The following SCOC variants were observed in gnomAD, a reference collection of about 807,000 sequenced individuals.
SCOC encodes short coiled-coil protein.
A neutral mutation model predicts 9.9 loss-of-function variants in SCOC; 7 were observed. The observed-to-expected ratio is 0.71, with a 90% confidence interval of 0.40 to 1.33. The LOEUF (loss-of-function observed/expected upper bound fraction) is 1.33. Ranked by LOEUF, SCOC falls within the 40% of genes most tolerant of loss-of-function variation. SCOC has a pLI of 0.01. For synonymous variants in SCOC, 19 were observed against 28.2 expected (o/e 0.67, Z 1.03); for missense variants, 66 against 89.7 (o/e 0.74, Z 1.07).
chr4:140,281,890 G>T (rs1212347495), intron 1 of SCOC, among the ~76,000 whole-genome samples: 1 of 152,170 alleles, frequency 6.6e-6, no homozygotes, highest in South Asian at 2.1e-4. Flanking sequence ...GTTTGTGGGG[G>T]AAAATGCATT....
intron 1 of SCOC, among the ~76,000 whole-genome samples, chr4:140,317,025 A>G (rs574406335): frequency 6.6e-6 from 1 of 151,870 alleles, no homozygotes; most frequent in Non-Finnish European, 1.5e-5. Context: ...GTCTATGGAG[A>G]CTCGTTGTTT....
At chr4:140,309,654 A>G (rs1732093901) in intron 1 of SCOC, among the ~76,000 whole-genome samples, 1 of 152,248 alleles carries the variant, frequency 6.6e-6, no homozygotes, top group Non-Finnish European at 1.5e-5. Flanking sequence ...CTTAAAGCCT[A>G]TTACCTCATG....
chr4:140,331,587 T>C (rs1354017625), intron 1 of SCOC, among the ~76,000 whole-genome samples: 1 of 152,200 alleles, frequency 6.6e-6, no homozygotes, highest in Admixed American at 6.5e-5. Context: ...CCATTTGGCT[T>C]CTAGAACATG....
chr4:140,284,166 T>C (rs1161609535), intron 1 of SCOC: 1 of 152,054 alleles, frequency 6.6e-6, no homozygotes, highest in Non-Finnish European at 1.5e-5. Context: ...TTTTCCTAAA[T>C]GTCAACTTGA....
At chr4:140,269,720 C>T (rs762879511) in intron 1 of SCOC, among the ~76,000 whole-genome samples, 1 of 152,184 alleles carries the variant, frequency 6.6e-6, no homozygotes, top group Non-Finnish European at 1.5e-5. Flanking sequence ...ATATTCCTAA[C>T]TAGACAAGTT....
rs1335134347 is a variant in SCOC, at chr4:140,382,907, T to C, written c.*1803T>C. On this transcript the variant is annotated 3_prime_UTR_variant, in exon 4 of 4. Coordinates refer to ENST00000608372, the MANE Select transcript of SCOC (RefSeq NM_001153484.2). ...CCAACCAGTGGTTCCAAGGTCAGCA[T>C]TGCAGGCTAGCAGCCCTTGTTCAAA... 3 of 152,232 alleles carry C rather than the reference T, an allele frequency of 2.0e-5. No individual in the cohort carries two copies. The highest frequency in any genetic ancestry group is 4.4e-5 in the Non-Finnish European group (3 of 68,040). 9.4% of individuals were successfully genotyped at this position (152,232 alleles called of 1,614,324 possible).
At chr4:140,320,963 C>T (rs1732484172) in intron 1 of SCOC, among the ~76,000 whole-genome samples, 2 of 152,144 alleles carry the variant, frequency 1.3e-5, no homozygotes, top group Admixed American at 1.3e-4. Context: ...GCCCCTCTCC[C>T]TCTCTCTGCC....
At chr4:140,273,832 C>G (rs1483355703) in intron 1 of SCOC, among the ~76,000 whole-genome samples, 1 of 152,138 alleles carries the variant, frequency 6.6e-6, no homozygotes, top group Non-Finnish European at 1.5e-5. Context: ...ATAATGTCTT[C>G]CAATTCTGCC....
At chr4:140,348,563 T>C (rs552949102) in intron 2 of SCOC, among the ~76,000 whole-genome samples, 2 of 100,166 alleles carry the variant, frequency 2.0e-5, no homozygotes, top group African/African-American at 7.0e-5. Context: ...TGTGTATATA[T>C]ATGTATATAT....
At chr4:140,373,358 C>A, upstream of SCOC, 1 of 1,438,154 alleles carries the variant, frequency 7.0e-7, no homozygotes, top group Non-Finnish European at 9.1e-7. Context: ...TCCTGATAGA[C>A]CTGATGAGCC....
intron 2 of SCOC, among the ~76,000 whole-genome samples, chr4:140,365,727 C>A (rs2126567130): frequency 6.6e-6 from 1 of 152,284 alleles, no homozygotes; most frequent in African/African-American, 2.4e-5. Context: ...TTCATGATGA[C>A]CCACTTCCAC....
chr4:140,293,638 T>C (rs554997171), intron 1 of SCOC, among the ~76,000 whole-genome samples: 1 of 152,314 alleles, frequency 6.6e-6, no homozygotes, highest in East Asian at 1.9e-4. Flanking sequence ...CAGGCAGGAA[T>C]GGATAGGTCC....
chr4:140,299,616 A>T (rs1397991787), intron 1 of SCOC, among the ~76,000 whole-genome samples: 19 of 152,208 alleles, frequency 1.2e-4, no homozygotes, highest in Admixed American at 1.2e-3. Context: ...ACTGGATACA[A>T]ACGAATTCTA....
chr4:140,378,193 C>T (rs1430989595), intron 1 of SCOC, among the ~76,000 whole-genome samples: 1 of 151,746 alleles, frequency 6.6e-6, no homozygotes, highest in African/African-American at 2.4e-5. Context: ...TCATTTATTC[C>T]ATATTAATAT....
At chr4:140,290,711 G>A (rs1211628824) in intron 1 of SCOC, among the ~76,000 whole-genome samples, 1 of 152,142 alleles carries the variant, frequency 6.6e-6, no homozygotes, top group African/African-American at 2.4e-5. Flanking sequence ...TACTTGGGAG[G>A]CTGAGGCGGG....
chr4:140,344,783 G>T (rs1726654197), intron 2 of SCOC, among the ~76,000 whole-genome samples: 1 of 152,174 alleles, frequency 6.6e-6, no homozygotes, highest in Non-Finnish European at 1.5e-5. Flanking sequence ...CAAAGACAGG[G>T]GAAACCCATG....
chr4:140,291,729 G>A (rs937945024), intron 1 of SCOC, among the ~76,000 whole-genome samples: 1 of 152,156 alleles, frequency 6.6e-6, no homozygotes, highest in African/African-American at 2.4e-5. Flanking sequence ...AGTAGGCAAC[G>A]GTCATTCTCC....
At chr4:140,278,261 T>A (rs1731027347) in intron 1 of SCOC, among the ~76,000 whole-genome samples, 1 of 151,868 alleles carries the variant, frequency 6.6e-6, no homozygotes, top group Admixed American at 6.6e-5. Context: ...TGCTGTGTCC[T>A]CTCACAGTGG....
At chr4:140,261,027 C>CCTATGTGCCAATTGAG (rs1379826339) in intron 1 of SCOC, among the ~76,000 whole-genome samples, 1 of 152,144 alleles carries the variant, frequency 6.6e-6, no homozygotes, top group Non-Finnish European at 1.5e-5. Context: ...TCATTGAGCA[C>CCTATGTGCCAATTGAG]CTATGTGCCA....
Sources: gnomAD v4.1 joint callset for allele counts (sites outside exome capture counted in the v4.1 genomes callset) on GRCh38, gnomAD v4.1.1 for gene constraint, MANE v1.5 for transcripts, NCBI Gene and HGNC (gene_info 2026-07-23, HGNC 2026-07-21) for gene names.